Variants in FHIT observed in about 807,000 individuals in gnomAD.
FHIT encodes the protein fragile histidine triad diadenosine triphosphatase.
FHIT carries 19 observed loss-of-function variants against 17.9 expected under a neutral mutation model. That is an observed-to-expected ratio of 1.06 (90% CI 0.74 to 1.56). FHIT has a LOEUF of 1.56. Ranked by LOEUF, FHIT falls within the 40% of genes most tolerant of loss-of-function variation. The pLI, the probability that FHIT is intolerant of heterozygous loss-of-function variation, is 0.00. For missense variants in FHIT, 248 were observed against 189.2 expected (o/e 1.31, Z -1.82); for synonymous variants, 81 against 69.7 (o/e 1.16, Z -0.81).
chr3:59,820,474 G>C (rs1471751681), intron 8 of FHIT, among the ~76,000 whole-genome samples: 1 of 152,228 alleles, frequency 6.6e-6, no homozygotes. Context: ...TGATGTGTAG[G>C]TGAGAAAAAT....
At chr3:60,543,206 G>A (rs781117316) in intron 4 of FHIT, among the ~76,000 whole-genome samples, 1 of 152,148 alleles carries the variant, frequency 6.6e-6, no homozygotes, top group Non-Finnish European at 1.5e-5. Flanking sequence ...AGGCGTGGCT[G>A]TGCCCCAGTA....
At chr3:60,884,760 A>G (rs1193578184) in intron 3 of FHIT, among the ~76,000 whole-genome samples, 2 of 151,756 alleles carry the variant, frequency 1.3e-5, no homozygotes, top group South Asian at 2.1e-4. Context: ...GCAAGATTCT[A>G]TCTCTATAAA....
At chr3:60,606,520 C>T (rs1219528932) in intron 4 of FHIT, among the ~76,000 whole-genome samples, 2 of 152,108 alleles carry the variant, frequency 1.3e-5, no homozygotes, top group Non-Finnish European at 2.9e-5. Flanking sequence ...GGATTACAGG[C>T]GTGAGTCACC....
chr3:61,194,874 A>T (rs1560060352), intron 2 of FHIT, among the ~76,000 whole-genome samples: 1 of 152,184 alleles, frequency 6.6e-6, no homozygotes, highest in Non-Finnish European at 1.5e-5. Flanking sequence ...GCACTATACA[A>T]ATGCAAAGTA....
chr3:59,966,512 A>G (rs958995693), intron 7 of FHIT, among the ~76,000 whole-genome samples: 7 of 152,214 alleles, frequency 4.6e-5, no homozygotes, highest in African/African-American at 1.7e-4. Flanking sequence ...CCTAGATGGT[A>G]CAGCTCTCTG....
intron 5 of FHIT, among the ~76,000 whole-genome samples, chr3:60,383,632 C>T (rs1370700293): frequency 1.3e-5 from 2 of 151,362 alleles, no homozygotes; most frequent in Non-Finnish European, 2.9e-5. Context: ...ATGATTATTC[C>T]AGGACTTCTA....
chr3:60,199,049 A>G (rs559085406), intron 5 of FHIT, among the ~76,000 whole-genome samples: 1 of 152,298 alleles, frequency 6.6e-6, no homozygotes, highest in South Asian at 2.1e-4. Flanking sequence ...GAATCACGCT[A>G]TTGTTAGAAG....
intron 5 of FHIT, among the ~76,000 whole-genome samples, chr3:60,396,998 T>A (rs564312148): frequency 6.6e-6 from 1 of 152,294 alleles, no homozygotes; most frequent in African/African-American, 2.4e-5. Flanking sequence ...TTGCTTTTCA[T>A]TGTCCACAAA....
chr3:59,749,839 C>T (rs1216766734), intron 9 of FHIT: 1 of 223,978 alleles, frequency 4.5e-6, no homozygotes, highest in Non-Finnish European at 8.9e-6. Flanking sequence ...TATAGTTAGT[C>T]CCATTATACT....
intron 5 of FHIT, among the ~76,000 whole-genome samples, chr3:60,312,992 C>A (rs1432869987): frequency 6.6e-6 from 1 of 152,154 alleles, no homozygotes; most frequent in Admixed American, 6.6e-5. Context: ...CCAGTTGATT[C>A]AGGTTGATAT....
At chr3:60,457,117 T>G (rs900771476) in intron 5 of FHIT, among the ~76,000 whole-genome samples, 1 of 152,102 alleles carries the variant, frequency 6.6e-6, no homozygotes, top group African/African-American at 2.4e-5. Context: ...GAGCCCGTAT[T>G]GCCAAGTCAA....
intron 5 of FHIT, among the ~76,000 whole-genome samples, chr3:60,118,781 G>C (rs879486213): frequency 1.1e-4 from 15 of 136,768 alleles, no homozygotes; most frequent in South Asian, 8.4e-4. Flanking sequence ...CGGCGGGGGG[G>C]GGGGGGTGGT....
At chr3:60,521,266 G>T (rs1267029513) in intron 5 of FHIT, among the ~76,000 whole-genome samples, 9 of 151,054 alleles carry the variant, frequency 6.0e-5, no homozygotes, top group Non-Finnish European at 7.4e-5. Context: ...ATTATTTTTT[G>T]AGGCGGAGGC....
intron 5 of FHIT, among the ~76,000 whole-genome samples, chr3:60,117,161 A>G (rs1373250858): frequency 2.6e-5 from 4 of 152,152 alleles, no homozygotes; most frequent in Admixed American, 2.0e-4. Flanking sequence ...TAAATGGCTG[A>G]TAAGATTTCC....
At chr3:59,798,537 G>A (rs978117101) in intron 8 of FHIT, among the ~76,000 whole-genome samples, 2 of 152,176 alleles carry the variant, frequency 1.3e-5, no homozygotes, top group Non-Finnish European at 2.9e-5. Flanking sequence ...GAATTCAGGG[G>A]TGGTCAATAT....
At chr3:60,256,011 G>A (rs1705973644) in intron 5 of FHIT, among the ~76,000 whole-genome samples, 1 of 152,122 alleles carries the variant, frequency 6.6e-6, no homozygotes, top group Admixed American at 6.5e-5. Context: ...TTTTGAAAAG[G>A]TATTATGGTG....
intron 5 of FHIT, among the ~76,000 whole-genome samples, chr3:60,205,708 T>A (rs912601812): frequency 6.6e-6 from 1 of 152,190 alleles, no homozygotes; most frequent in Non-Finnish European, 1.5e-5. Context: ...GAAATACACA[T>A]ACATACATTT....
At chr3:61,197,210 C>G (rs916501076) in intron 2 of FHIT, among the ~76,000 whole-genome samples, 1 of 152,166 alleles carries the variant, frequency 6.6e-6, no homozygotes, top group African/African-American at 2.4e-5. Flanking sequence ...ATTTACTAAG[C>G]ACTTTCATAT....
intron 4 of FHIT, among the ~76,000 whole-genome samples, chr3:60,813,857 T>C (rs1262651041): frequency 1.3e-5 from 2 of 152,222 alleles, no homozygotes; most frequent in Admixed American, 6.5e-5. Context: ...TCTTTATCTC[T>C]GATAATATTT....
Sources: allele counts gnomAD v4.1 joint callset (sites outside exome capture counted in the v4.1 genomes callset), GRCh38; gene constraint gnomAD v4.1.1; transcripts MANE v1.5; gene names NCBI Gene and HGNC (gene_info 2026-07-23, HGNC 2026-07-21).